SH3PXD2A: variants seen among roughly 807,000 people sequenced by gnomAD.
The protein encoded by SH3PXD2A is SH3 and PX domain-containing protein 2A.
A neutral mutation model predicts 115.2 loss-of-function variants in SH3PXD2A; 32 were observed. That is an observed-to-expected ratio of 0.28 (90% CI 0.21 to 0.37). The LOEUF (loss-of-function observed/expected upper bound fraction) is 0.37. Ranked by LOEUF, SH3PXD2A falls within the 10% of genes least tolerant of loss-of-function variation. The pLI is 1.00. For missense variants in SH3PXD2A, 1,328 were observed against 1,498.7 expected (o/e 0.89, Z 1.88); for synonymous variants, 610 against 629.1 (o/e 0.97, Z 0.45).
intron 5 of SH3PXD2A, among the ~76,000 whole-genome samples, chr10:103,702,614 C>G (rs868470083): frequency 6.1e-5 from 1 of 16,398 alleles, no homozygotes; most frequent in Non-Finnish European, 1.1e-4. Flanking sequence ...TGTGTGTGTG[C>G]ATGCTGGGTG....
At chr10:103,604,491 A>G (rs947553606) in intron 14 of SH3PXD2A, among the ~76,000 whole-genome samples, 1 of 152,216 alleles carries the variant, frequency 6.6e-6, no homozygotes, top group Admixed American at 6.5e-5. Flanking sequence ...CCAATGGCCA[A>G]AAGTGTGGCT....
intron 1 of SH3PXD2A, among the ~76,000 whole-genome samples, chr10:103,826,875 T>C (rs1217666406): frequency 6.6e-6 from 1 of 152,116 alleles, no homozygotes; most frequent in African/African-American, 2.4e-5. Context: ...TTTCATAAGG[T>C]TGGCAAAGGG....
chr10:103,722,028 C>T (rs771522519), intron 5 of SH3PXD2A, among the ~76,000 whole-genome samples: 5 of 151,596 alleles, frequency 3.3e-5, no homozygotes, highest in East Asian at 1.9e-4. Flanking sequence ...CCTGGCCGGG[C>T]GCAGTTGCTT....
At chr10:103,721,288 A>T (rs2038179214) in intron 5 of SH3PXD2A, among the ~76,000 whole-genome samples, 1 of 152,170 alleles carries the variant, frequency 6.6e-6, no homozygotes, top group Non-Finnish European at 1.5e-5. Flanking sequence ...AGGGGAACAG[A>T]AATGCAGAGA....
At chr10:103,787,968 G>A (rs1301719344) in intron 2 of SH3PXD2A, among the ~76,000 whole-genome samples, 2 of 152,086 alleles carry the variant, frequency 1.3e-5, no homozygotes, top group Non-Finnish European at 2.9e-5. Flanking sequence ...TGGCTTTGGG[G>A]TCTGTCTCCT....
intron 5 of SH3PXD2A, among the ~76,000 whole-genome samples, chr10:103,717,698 A>T (rs2038122584): frequency 6.6e-6 from 1 of 152,238 alleles, no homozygotes; most frequent in South Asian, 2.1e-4. Flanking sequence ...CTGGATGAGA[A>T]TTTAAAATGG....
intron 2 of SH3PXD2A, among the ~76,000 whole-genome samples, chr10:103,777,666 C>T (rs921575179): frequency 7.9e-5 from 12 of 152,328 alleles, no homozygotes; most frequent in South Asian, 2.1e-4. Context: ...GCCCAAGTAC[C>T]GATGCCTGTC....
In SH3PXD2A at chr10:103,597,989, C is replaced by T. The variant is rs1174884566; in HGVS notation, c.*3827G>A. On this transcript the variant is annotated 3_prime_UTR_variant, in exon 15 of 15. Coordinates refer to ENST00000369774, the MANE Select transcript of SH3PXD2A (RefSeq NM_001394015.1). Reference sequence around the variant, plus strand: ...AACACTAGTAATAGGAAAATAATGCCTGACTGGAATTCCCTTGTCTTTTTT... The same window carrying T: ...AACACTAGTAATAGGAAAATAATGCTTGACTGGAATTCCCTTGTCTTTTTT... 6.6e-6 allele frequency: 1 copy of T among 152,490 alleles called. No homozygotes were observed. The highest frequency in any genetic ancestry group is 1.5e-5 in the Non-Finnish European group (1 of 68,044). 9.4% of individuals were successfully genotyped at this position (152,490 alleles called of 1,614,324 possible).
rs945790398 is a variant in SH3PXD2A, at chr10:103,758,183, G to C, written c.229+8911C>G. 6.6e-5 allele frequency among the ~76,000 whole-genome samples: 10 copies of C among 152,198 alleles called. 1 individual carries two copies. The highest frequency in any genetic ancestry group is 1.3e-4 in the Admixed American group (2 of 15,290). On this transcript the variant is annotated intron_variant, in intron 3 of 14. Coordinates refer to ENST00000369774, the MANE Select transcript of SH3PXD2A (RefSeq NM_001394015.1). ...GGAGTGTCTTGGCTCCACAAGTCCTGTCTGCCCAGCTGTCTCTGGGTGACT... is the reference window on the plus strand; with the variant it reads ...GGAGTGTCTTGGCTCCACAAGTCCTCTCTGCCCAGCTGTCTCTGGGTGACT...
chr10:103,845,330 C>CA (rs371956451), intron 1 of SH3PXD2A, among the ~76,000 whole-genome samples: 30 of 37,868 alleles, frequency 7.9e-4, no homozygotes, highest in African/African-American at 1.6e-3. Context: ...GACTTCATCT[C>CA]AAAAAAAAAA....
At chr10:103,748,909 A>G (rs1206337563) in intron 3 of SH3PXD2A, among the ~76,000 whole-genome samples, 1 of 152,156 alleles carries the variant, frequency 6.6e-6, no homozygotes. Context: ...CACGGTGAGA[A>G]GACACCAGAA....
At chr10:103,686,750 T>TC (rs1347835340) in intron 6 of SH3PXD2A, among the ~76,000 whole-genome samples, 1 of 149,672 alleles carries the variant, frequency 6.7e-6, no homozygotes, top group Non-Finnish European at 1.5e-5. Flanking sequence ...GGGGAATTTT[T>TC]TTTTTTTTTT....
At chr10:103,771,304 G>C (rs996050946) in intron 2 of SH3PXD2A, among the ~76,000 whole-genome samples, 2 of 152,198 alleles carry the variant, frequency 1.3e-5, no homozygotes, top group African/African-American at 4.8e-5. Flanking sequence ...TCAGACCTAA[G>C]AGTCTGAGAT....
intron 9 of SH3PXD2A, among the ~76,000 whole-genome samples, chr10:103,625,015 C>T (rs1021964631): frequency 4.6e-5 from 7 of 152,110 alleles, no homozygotes; most frequent in African/African-American, 1.4e-4. Context: ...CGCATGCACG[C>T]GCACACACAC....
Position 103,601,809 on chromosome 10 carries a change from C to T in SH3PXD2A, c.*7G>A. ...CACACTGAGGCTGGAAGAGCCCAGGCCCTCTGCTAGTTCTTTTTCTCAAGG... is the reference window on the plus strand; with the variant it reads ...CACACTGAGGCTGGAAGAGCCCAGGTCCTCTGCTAGTTCTTTTTCTCAAGG... On this transcript the variant is annotated 3_prime_UTR_variant, in exon 15 of 15. Coordinates refer to ENST00000369774, the MANE Select transcript of SH3PXD2A (RefSeq NM_001394015.1). 6.3e-7 allele frequency: 1 copy of T among 1,583,258 alleles called. No homozygotes were observed. Among genetic ancestry groups the T allele is most frequent in the Non-Finnish European group, 8.6e-7 (1 of 1,163,954 alleles).
intron 5 of SH3PXD2A, among the ~76,000 whole-genome samples, chr10:103,695,339 C>T (rs117103504): frequency 0.013 from 1,960 of 152,102 alleles, 32 homozygotes; most frequent in South Asian, 0.039. Flanking sequence ...GTGAGACCCC[C>T]TATCTCTACC....
rs1053749364 is a variant in SH3PXD2A at position 103,600,427 on chromosome 10, A to G, written c.*1389T>C. The G allele has an allele frequency of 3.9e-5, 6 of 152,258 alleles. No homozygotes were observed. Among genetic ancestry groups the G allele is most frequent in the Non-Finnish European group, 7.3e-5 (5 of 68,050 alleles). 9.4% of individuals were successfully genotyped at this position (152,258 alleles called of 1,614,324 possible). ...GCACCTGTGGCATTGCCAGCAGGCC[A>G]GAGGGGGTGGCTGGCGGTGTTGGCT... On this transcript the variant is annotated 3_prime_UTR_variant, in exon 15 of 15. Coordinates refer to ENST00000369774, the MANE Select transcript of SH3PXD2A (RefSeq NM_001394015.1).
chr10:103,775,421 GC>G (rs1370477066), intron 2 of SH3PXD2A, among the ~76,000 whole-genome samples: 23 of 152,302 alleles, frequency 1.5e-4, no homozygotes, highest in Admixed American at 1.4e-3. Flanking sequence ...GGTATGAAAA[GC>G]CAGGCGATGG....
chr10:103,685,107 G>A (rs1404558076), intron 6 of SH3PXD2A, among the ~76,000 whole-genome samples: 3 of 152,288 alleles, frequency 2.0e-5, no homozygotes, highest in East Asian at 3.9e-4. Context: ...GGAGGCCAAG[G>A]TGGGTGGATC....
Sources: allele counts gnomAD v4.1 joint callset (sites outside exome capture counted in the v4.1 genomes callset), GRCh38; gene constraint gnomAD v4.1.1; transcripts MANE v1.5; gene names NCBI Gene and HGNC (gene_info 2026-07-23, HGNC 2026-07-21).